The following PFKP variants were observed in gnomAD, a reference collection of about 807,000 sequenced individuals.
PFKP encodes the protein phosphofructokinase, platelet.
In PFKP, 101 loss-of-function variants were observed where a neutral mutation model predicts 94.3. That is an observed-to-expected ratio of 1.07 (90% CI 0.91 to 1.26). PFKP has a LOEUF of 1.26. PFKP is among the 50% of genes most tolerant of loss of function. The pLI, the probability that PFKP is intolerant of heterozygous loss-of-function variation, is 0.00. For synonymous variants in PFKP, 573 were observed against 432.6 expected, an observed-to-expected ratio of 1.32 and a Z score of -4.03; for missense variants, 1,145 against 1,103.3, an observed-to-expected ratio of 1.04 and a Z score of -0.53.
At chr10:3,133,928 A>C (rs1838899732) in intron 19 of PFKP, among the ~76,000 whole-genome samples, 1 of 152,184 alleles carries the variant, frequency 6.6e-6, no homozygotes, top group African/African-American at 2.4e-5. Context: ...TTTAAAATGG[A>C]TTATCAGACA....
At chr10:3,119,466 G>A (rs1837167116) in intron 15 of PFKP, among the ~76,000 whole-genome samples, 7 of 152,118 alleles carry the variant, frequency 4.6e-5, no homozygotes, top group Admixed American at 4.6e-4. Context: ...TTAGCCGGGT[G>A]TGGTGGCAGG....
rs780531758 is a variant in PFKP, at chr10:3,105,190, G to A, written c.665+31G>A. 34 of 1,597,390 alleles carry A rather than the reference G, an allele frequency of 2.1e-5. 1 individual carries two copies. Among genetic ancestry groups the A allele is most frequent in the East Asian group, 1.1e-4 (5 of 44,804 alleles). ...TACCTGCGGTGGGTCCGGTGGACGC[G>A]GTTCAGGTGGGGGACCCTCAGCATC... On this transcript the variant is annotated intron_variant, in intron 6 of 21. Coordinates refer to ENST00000381125, the MANE Select transcript of PFKP (RefSeq NM_002627.5).
chr10:3,068,543 G>T, intron 1 of PFKP: 1 of 392,948 alleles, frequency 2.5e-6, no homozygotes. Context: ...CGCGGGCTCC[G>T]GGCTTCCCTG....
At chr10:3,096,593 C>T (rs1023738329) in intron 2 of PFKP, among the ~76,000 whole-genome samples, 1 of 151,824 alleles carries the variant, frequency 6.6e-6, no homozygotes, top group Non-Finnish European at 1.5e-5. Flanking sequence ...GGAGGTCGTG[C>T]CTCTAAGAAG....
intron 17 of PFKP, 54 bp from the exon 18 acceptor site, chr10:3,132,326 C>G: frequency 7.7e-7 from 1 of 1,301,624 alleles, no homozygotes. Flanking sequence ...GCCTGGCACA[C>G]AGTAGGTACT....
rs764328711 is a variant in PFKP, at chr10:3,113,068, A to G, written c.1155-51A>G. 56 of 1,530,336 alleles carry G rather than the reference A, an allele frequency of 3.7e-5. No individual in the cohort carries two copies. The East Asian group carries it at 1.3e-3, about 34-fold the overall frequency. 94.8% of individuals were successfully genotyped at this position (1,530,336 alleles called of 1,614,324 possible). ...CCACCTTTTCTCCACATGAGCCCTG[A>G]GTTGTGTCCGGTATTCTCGACTCCG... On this transcript the variant is annotated intron_variant, in intron 11 of 21. Coordinates refer to ENST00000381125, the MANE Select transcript of PFKP (RefSeq NM_002627.5).
intron 2 of PFKP, among the ~76,000 whole-genome samples, chr10:3,087,800 C>T (rs912878492): frequency 5.3e-5 from 8 of 152,104 alleles, no homozygotes; most frequent in African/African-American, 1.9e-4. Context: ...TCTTCACCTT[C>T]CTCCAGTGTA....
chr10:3,110,059 A>T (rs1836020469), intron 10 of PFKP, among the ~76,000 whole-genome samples: 5 of 152,098 alleles, frequency 3.3e-5, no homozygotes, highest in Admixed American at 3.3e-4. Flanking sequence ...AGCTCTGGTC[A>T]CCCGAAGATA....
At chr10:3,126,307 C>T (rs1837938018) in intron 16 of PFKP, among the ~76,000 whole-genome samples, 1 of 152,236 alleles carries the variant, frequency 6.6e-6, no homozygotes, top group South Asian at 2.1e-4. Flanking sequence ...AGGCTTCTCC[C>T]TGTGTTCCCC....
At chr10:3,117,606 G>A (rs1317434989) in intron 14 of PFKP, among the ~76,000 whole-genome samples, 3 of 152,190 alleles carry the variant, frequency 2.0e-5, no homozygotes, top group Non-Finnish European at 2.9e-5. Context: ...GTGGGATGGT[G>A]GGAGCCTCGG....
intron 17 of PFKP, among the ~76,000 whole-genome samples, chr10:3,130,658 C>T (rs1341588636): frequency 1.3e-5 from 2 of 152,072 alleles, no homozygotes; most frequent in Non-Finnish European, 2.9e-5. Context: ...CTCCCAGGTT[C>T]AAGCGATTCA....
intron 3 of PFKP, among the ~76,000 whole-genome samples, chr10:3,099,855 T>C (rs11251717): frequency 0.24 from 36,487 of 151,776 alleles, 5,173 homozygotes; most frequent in Non-Finnish European, 0.32. Context: ...TGTTTCTGTG[T>C]GTGGTGTATG....
chr10:3,114,750 G>A (rs1836620505), intron 13 of PFKP, among the ~76,000 whole-genome samples: 1 of 152,238 alleles, frequency 6.6e-6, no homozygotes, highest in African/African-American at 2.4e-5. Flanking sequence ...ACAGGGGCGG[G>A]GGCTCCAAGC....
At chr10:3,110,365 A>AT (rs57980780) in intron 10 of PFKP, among the ~76,000 whole-genome samples, 41,776 of 91,784 alleles carry the variant, frequency 0.46, 9,751 homozygotes, top group East Asian at 0.67. Context: ...CGCCTGGCTA[A>AT]TTTTTTTTTT....
intron 16 of PFKP, among the ~76,000 whole-genome samples, chr10:3,121,816 TTTTTTTTTTTTTTTC>T (rs1207029072): frequency 2.7e-4 from 12 of 43,662 alleles, no homozygotes; most frequent in African/African-American, 7.8e-4. Flanking sequence ...TTTTTTTTTT[TTTTTTTTTTTTTTTC>T]TTTTTTTGGA....
rs1588477032 is a variant in PFKP at position 3,105,515 on chromosome 10, C to T, written c.774+14C>T. On this transcript the variant is annotated intron_variant, in intron 7 of 21. Coordinates refer to ENST00000381125, the MANE Select transcript of PFKP (RefSeq NM_002627.5). ...AAACTCTCGGAGGTAATGCGGGTCC[C>T]GTGGCCGTTGATAGCGGGCGATGCT... is the stretch of plus-strand genomic sequence containing the variant. 2.6e-6 allele frequency: 4 copies of T among 1,561,298 alleles called. No homozygotes were observed. Among genetic ancestry groups the T allele is most frequent in the East Asian group, 2.2e-5 (1 of 44,580 alleles).
At chr10:3,118,991 G>C (rs776058571) in intron 15 of PFKP, 122 bp downstream of exon 15, 2 of 677,114 alleles carry the variant, frequency 3.0e-6, no homozygotes, top group Non-Finnish European at 5.0e-6. Flanking sequence ...CAGACCCAGC[G>C]GCCACTGGAG....
chr10:3,091,456 T>G (rs10903959), intron 2 of PFKP, among the ~76,000 whole-genome samples: 93,444 of 151,950 alleles, frequency 0.61, 31,314 homozygotes, highest in Non-Finnish European at 0.76. Flanking sequence ...CATATCCTGT[T>G]GTTGAATATT....
intron 1 of PFKP, 40 bp downstream of exon 1, chr10:3,067,747 GA>G (rs1564249702): frequency 1.7e-6 from 2 of 1,160,286 alleles, no homozygotes; most frequent in African/African-American, 3.2e-5. Flanking sequence ...GGGACGGACG[GA>G]CGGAGCTGGG....
Sources: gnomAD v4.1 joint callset for allele counts (sites outside exome capture counted in the v4.1 genomes callset) on GRCh38, gnomAD v4.1.1 for gene constraint, MANE v1.5 for transcripts, NCBI Gene and HGNC (gene_info 2026-07-23, HGNC 2026-07-21) for gene names.